The following FANCL variants were observed in gnomAD, a reference collection of about 807,000 sequenced individuals.
FANCL encodes the protein FA complementation group L.
In FANCL, 69 loss-of-function variants were observed where a neutral mutation model predicts 59.4. The ratio of observed to expected loss-of-function variants is 1.16; its 90% CI spans 0.96 to 1.42. The LOEUF (loss-of-function observed/expected upper bound fraction) is 1.42. Among genes scored for constraint, FANCL ranks in the 40% most tolerant of loss-of-function variants. The pLI, the probability that FANCL is intolerant of heterozygous loss-of-function variation, is 0.00. For synonymous variants in FANCL, 180 were observed against 147.1 expected (o/e 1.22, Z -1.62); for missense variants, 519 against 447.2 (o/e 1.16, Z -1.45).
In FANCL at chr2:58,159,402, A is replaced by G; in HGVS notation, c.*363T>C. On this transcript the variant is annotated 3_prime_UTR_variant, in exon 14 of 14. Coordinates refer to ENST00000233741, the MANE Select transcript of FANCL (RefSeq NM_018062.4). ...AAGAGTCTCAAGAACCTTTGAATGA[A>G]GTAAACAGTTTCCCACAAAAAATCA... is the stretch of plus-strand genomic sequence containing the variant. 1 of 1,613,548 alleles carries G rather than the reference A, an allele frequency of 6.2e-7. No homozygotes were observed. Among genetic ancestry groups the G allele is most frequent in the Non-Finnish European group, 8.5e-7 (1 of 1,179,686 alleles).
intron 7 of FANCL, among the ~76,000 whole-genome samples, chr2:58,175,122 T>A (rs1687151873): frequency 6.7e-6 from 1 of 148,222 alleles, no homozygotes; most frequent in African/African-American, 2.5e-5. Flanking sequence ...TAACAGGCTC[T>A]GAAATTGTGG....
At chr2:58,209,210 T>C (rs1690884293) in intron 5 of FANCL, among the ~76,000 whole-genome samples, 1 of 152,212 alleles carries the variant, frequency 6.6e-6, no homozygotes. Context: ...GAAAGCTTTA[T>C]ATTCCTATGT....
At chr2:58,225,178 T>TA (rs1341069888) in intron 4 of FANCL, among the ~76,000 whole-genome samples, 2 of 149,496 alleles carry the variant, frequency 1.3e-5, no homozygotes, top group Non-Finnish European at 3.0e-5. Flanking sequence ...ATGACTACAA[T>TA]AAAAAAATTA....
At chr2:58,194,408 T>C in intron 7 of FANCL, 1 of 416,172 alleles carries the variant, frequency 2.4e-6, no homozygotes, top group South Asian at 1.8e-5. Flanking sequence ...GCATTAAGGA[T>C]ATATTTTGAA....
rs564958425 is a variant in FANCL, at chr2:58,203,215, T to C, written c.471+915A>G. Among the ~76,000 whole-genome samples, 13 of 152,056 alleles carry C rather than the reference T, an allele frequency of 8.5e-5. No homozygotes were observed. The South Asian group carries it at 2.7e-3, about 32-fold the overall frequency. ...TTCTGTGTGTGAGAGAATTAGTCATTTCTCAACCTGTCTGTTATAGAACCA... is the reference window on the plus strand; with the variant it reads ...TTCTGTGTGTGAGAGAATTAGTCATCTCTCAACCTGTCTGTTATAGAACCA... On this transcript the variant is annotated intron_variant, in intron 6 of 13. Coordinates refer to ENST00000233741, the MANE Select transcript of FANCL (RefSeq NM_018062.4).
chr2:58,241,318 C>T lies in FANCL; in HGVS notation c.-5G>A. 6.2e-7 allele frequency: 1 copy of T among 1,613,964 alleles called. No individual in the cohort carries two copies. Among genetic ancestry groups the T allele is most frequent in the Non-Finnish European group, 8.5e-7 (1 of 1,179,944 alleles). Reference sequence around the variant, plus strand: ...GCTCGCTTCCGTCACCGCCATGGCTCGAAGTCCGGAGAAACACAGAAAAGC... The same window carrying T: ...GCTCGCTTCCGTCACCGCCATGGCTTGAAGTCCGGAGAAACACAGAAAAGC... On this transcript the variant is annotated 5_prime_UTR_variant, in exon 1 of 14. Coordinates refer to ENST00000233741, the MANE Select transcript of FANCL (RefSeq NM_018062.4).
chr2:58,232,541 G>A (rs186646688), intron 1 of FANCL, among the ~76,000 whole-genome samples: 21 of 151,910 alleles, frequency 1.4e-4, no homozygotes, highest in South Asian at 4.2e-4. Flanking sequence ...TTATATAGTC[G>A]TTTTCAGCTT....
At chr2:58,191,677 A>G (rs887031321) in intron 7 of FANCL, among the ~76,000 whole-genome samples, 1 of 151,750 alleles carries the variant, frequency 6.6e-6, no homozygotes, top group African/African-American at 2.4e-5. Flanking sequence ...TATATAGATA[A>G]TAATTGCTGT....
chr2:58,213,095 A>G (rs1382488469), intron 5 of FANCL, among the ~76,000 whole-genome samples: 1 of 152,262 alleles, frequency 6.6e-6, no homozygotes, highest in Admixed American at 6.5e-5. Flanking sequence ...TTTTATGATT[A>G]TACTGACAAA....
At chr2:58,212,790 T>C (rs1480823275) in intron 5 of FANCL, among the ~76,000 whole-genome samples, 1 of 152,194 alleles carries the variant, frequency 6.6e-6, no homozygotes, top group African/African-American at 2.4e-5. Context: ...ATCTTCACGT[T>C]AACCTTTGGG....
chr2:58,168,284 T>A (rs1359586504), intron 7 of FANCL, among the ~76,000 whole-genome samples: 1 of 151,866 alleles, frequency 6.6e-6, no homozygotes, highest in Non-Finnish European at 1.5e-5. Context: ...AGATAGTGGG[T>A]GCAGCCCACA....
At chr2:58,205,771 T>C (rs918431440) in intron 5 of FANCL, among the ~76,000 whole-genome samples, 1 of 151,970 alleles carries the variant, frequency 6.6e-6, no homozygotes, top group Admixed American at 6.6e-5. Context: ...CTGGCAAAAA[T>C]GCAGTGTTCA....
chr2:58,162,172 G>A (rs137968543), intron 11 of FANCL, among the ~76,000 whole-genome samples: 3 of 151,888 alleles, frequency 2.0e-5, no homozygotes, highest in South Asian at 2.1e-4. Flanking sequence ...AAAGGAAAAA[G>A]AAACTCACTA....
At chr2:58,191,496 A>G (rs1328726511) in intron 7 of FANCL, among the ~76,000 whole-genome samples, 1 of 151,864 alleles carries the variant, frequency 6.6e-6, no homozygotes, top group Non-Finnish European at 1.5e-5. Flanking sequence ...TATCTCTGTT[A>G]TTTATAGTAC....
intron 6 of FANCL, among the ~76,000 whole-genome samples, chr2:58,200,221 C>A (rs1185916138): frequency 6.6e-6 from 1 of 151,678 alleles, no homozygotes; most frequent in African/African-American, 2.4e-5. Flanking sequence ...ACTGGAAAAA[C>A]AATTTGTATG....
chr2:58,199,379 T>C (rs1451569197), intron 6 of FANCL, among the ~76,000 whole-genome samples: 1 of 152,162 alleles, frequency 6.6e-6, no homozygotes, highest in African/African-American at 2.4e-5. Flanking sequence ...ACTATTTAAA[T>C]AGGCAGTATC....
intron 5 of FANCL, among the ~76,000 whole-genome samples, chr2:58,210,485 C>G (rs911281886): frequency 1.3e-5 from 2 of 152,086 alleles, no homozygotes; most frequent in Admixed American, 6.5e-5. Context: ...GACACAGAGT[C>G]AAACCATATC....
chr2:58,172,253 CT>C (rs1558750106), intron 7 of FANCL, among the ~76,000 whole-genome samples: 3 of 152,198 alleles, frequency 2.0e-5, no homozygotes, highest in Non-Finnish European at 4.4e-5. Flanking sequence ...AGCAGTGGTT[CT>C]CTCAGCACGC....
At chr2:58,235,876 A>G (rs956298236) in intron 1 of FANCL, among the ~76,000 whole-genome samples, 1 of 152,032 alleles carries the variant, frequency 6.6e-6, no homozygotes, top group Non-Finnish European at 1.5e-5. Context: ...TAGTATCAAC[A>G]GCAGATTCCA....
Sources: gnomAD v4.1 joint callset for allele counts (sites outside exome capture counted in the v4.1 genomes callset) on GRCh38, gnomAD v4.1.1 for gene constraint, MANE v1.5 for transcripts, NCBI Gene and HGNC (gene_info 2026-07-23, HGNC 2026-07-21) for gene names.